FARP1: variants seen among roughly 807,000 people sequenced by gnomAD.
The protein encoded by FARP1 is FERM, ARHGEF and pleckstrin domain-containing protein 1.
Under a neutral mutation model 128.8 loss-of-function variants are expected in FARP1, and 52 were observed. The observed-to-expected ratio is 0.40, with a 90% CI of 0.32 to 0.51. The LOEUF (loss-of-function observed/expected upper bound fraction) is 0.51, where lower values mean the gene tolerates loss of function less well. FARP1 is among the 20% of genes least tolerant of loss of function. The pLI is 0.45. For synonymous variants in FARP1, 580 were observed against 551.8 expected, an observed-to-expected ratio of 1.05 and a Z score of -0.72; for missense variants, 1,333 against 1,367.9, an observed-to-expected ratio of 0.97 and a Z score of 0.40.
At chr13:98,421,867 A>AAT (rs1566308084) in intron 16 of FARP1, among the ~76,000 whole-genome samples, 1 of 148,646 alleles carries the variant, frequency 6.7e-6, no homozygotes, top group African/African-American at 2.5e-5. Context: ...AAAAAAAAAA[A>AAT]TTTTTTTTAA....
rs1280606886 is a variant in FARP1 at position 98,446,797 on chromosome 13, A to T, written c.3036A>T (p.Glu1012Asp). ...FKSHVYYFRA[E>D]SEYTFERWME... The stretch of plus-strand genomic sequence containing the variant: ...CCCACGTCTACTACTTCAGGGCGGA[A>T]AGCGAGTACACGTTCGAAAGGTAGA... Residue 1012 changes from glutamate (E) to aspartate (D), a missense_variant, in exon 26 of 27, where the codon GAA (glutamate) becomes GAT (aspartate). Physicochemically the swap from Glu to Asp is conservative, Grantham distance 45. Coordinates refer to ENST00000319562, the MANE Select transcript of FARP1 (RefSeq NM_005766.4). 6.2e-7 allele frequency: 1 copy of T among 1,614,128 alleles called. No homozygotes were observed. Among genetic ancestry groups the T allele is most frequent in the South Asian group, 1.1e-5 (1 of 91,080 alleles).
At position 98,339,935 on chromosome 13, in the gene FARP1, G is replaced by A. The variant is rs145754569; in HGVS notation, c.172-3827G>A. ...GGCTGCAGGTTCTAGGACTCAACACGCCCTCATATTGTATGCACTCCATAC... is the reference window on the plus strand; with the variant it reads ...GGCTGCAGGTTCTAGGACTCAACACACCCTCATATTGTATGCACTCCATAC... On this transcript the variant is annotated intron_variant, in intron 2 of 26. Transcript: ENST00000319562. Among the ~76,000 whole-genome samples, 80 of 152,128 alleles carry A rather than the reference G, an allele frequency of 5.3e-4. No homozygotes were observed. The East Asian group carries it at 0.011, about 21-fold the overall frequency.
intron 2 of FARP1, among the ~76,000 whole-genome samples, chr13:98,217,899 G>C (rs1056175645): frequency 6.6e-6 from 1 of 152,170 alleles, no homozygotes; most frequent in Non-Finnish European, 1.5e-5. Context: ...ACGAGAGTTG[G>C]TGCTGTCCTA....
At chr13:98,380,579 C>T (rs1009890001) in intron 6 of FARP1, among the ~76,000 whole-genome samples, 1 of 151,422 alleles carries the variant, frequency 6.6e-6, no homozygotes, top group Non-Finnish European at 1.5e-5. Context: ...TAAATATATC[C>T]CCCCCAAAAT....
In FARP1 at chr13:98,323,134, G is replaced by C. The variant is rs559920359; in HGVS notation, c.172-20628G>C. Among the ~76,000 whole-genome samples, 4 of 152,228 alleles carry C rather than the reference G, an allele frequency of 2.6e-5. 1 individual carries two copies. In the South Asian group the frequency reaches 8.3e-4, roughly 32 times the overall value. ...TTTATCTCATGTTTAATGATCCGTGGTGAAAGGATTTGTTGCTTACAATCC... is the reference window on the plus strand; with the variant it reads ...TTTATCTCATGTTTAATGATCCGTGCTGAAAGGATTTGTTGCTTACAATCC... On this transcript the variant is annotated intron_variant, in intron 2 of 26. Coordinates refer to ENST00000319562, the MANE Select transcript of FARP1 (RefSeq NM_005766.4).
At chr13:98,379,405 G>GA (rs1035824325) in intron 6 of FARP1, among the ~76,000 whole-genome samples, 2 of 151,090 alleles carry the variant, frequency 1.3e-5, no homozygotes, top group Admixed American at 6.7e-5. Context: ...TGATAGTGGA[G>GA]AGGGAGAGGA....
At chr13:98,396,736 T>G in intron 13 of FARP1, 1 of 363,606 alleles carries the variant, frequency 2.8e-6, no homozygotes, top group Admixed American at 4.6e-5. Flanking sequence ...TAATGACAAG[T>G]TCTCAGGAGC....
intron 17 of FARP1, among the ~76,000 whole-genome samples, chr13:98,430,738 A>AG (rs1466387649): frequency 6.6e-6 from 1 of 152,192 alleles, no homozygotes; most frequent in Non-Finnish European, 1.5e-5. Context: ...ATTTGTCCCC[A>AG]GTTTTTCCAG....
intron 2 of FARP1, among the ~76,000 whole-genome samples, chr13:98,272,237 C>T (rs1293143976): frequency 6.6e-6 from 1 of 152,056 alleles, no homozygotes; most frequent in Non-Finnish European, 1.5e-5. Flanking sequence ...ACCATGTTGG[C>T]CAGGCTTGCC....
chr13:98,425,771 A>G (rs774798561), intron 17 of FARP1, among the ~76,000 whole-genome samples: 2 of 152,236 alleles, frequency 1.3e-5, no homozygotes, highest in Non-Finnish European at 2.9e-5. Context: ...GTCAATAAAT[A>G]TTAAATTAAT....
intron 2 of FARP1, among the ~76,000 whole-genome samples, chr13:98,282,790 A>G (rs1275503576): frequency 3.3e-5 from 5 of 152,102 alleles, no homozygotes; most frequent in Non-Finnish European, 5.9e-5. Flanking sequence ...AGTCCCAGCT[A>G]CTCAGGAGGC....
rs140314110 is a variant in FARP1 at position 98,360,840 on chromosome 13, G to A, written c.277-4555G>A. On this transcript the variant is annotated intron_variant, in intron 3 of 26. Transcript: ENST00000319562. ...GTGTGAGTGTGTTCAAGAGATCAGC[G>A]GCATAGATTTCAGTGAGAACAGGGG... 2.5e-4 allele frequency among the ~76,000 whole-genome samples: 38 copies of A among 152,264 alleles called. No individual in the cohort carries two copies. The East Asian group carries it at 5.6e-3, about 22-fold the overall frequency.
At chr13:98,418,321 A>G (rs1891467901) in intron 16 of FARP1, among the ~76,000 whole-genome samples, 2 of 151,258 alleles carry the variant, frequency 1.3e-5, no homozygotes, top group South Asian at 4.2e-4. Context: ...GTCACCCAGG[A>G]TAGAATGCAG....
chr13:98,184,274 C>T (rs1460248850), intron 1 of FARP1, among the ~76,000 whole-genome samples: 2 of 151,940 alleles, frequency 1.3e-5, no homozygotes, highest in Admixed American at 6.6e-5. Flanking sequence ...CCTGCCACCC[C>T]ACCCGGCTAA....
At chr13:98,350,505 G>A (rs538709736) in intron 3 of FARP1, among the ~76,000 whole-genome samples, 13 of 152,104 alleles carry the variant, frequency 8.5e-5, no homozygotes, top group Middle Eastern at 6.8e-3. Context: ...CATTCACTGC[G>A]GTCCAAACTT....
chr13:98,349,928 G>A (rs1480442821), intron 3 of FARP1, among the ~76,000 whole-genome samples: 2 of 152,134 alleles, frequency 1.3e-5, no homozygotes, highest in Non-Finnish European at 2.9e-5. Context: ...CCCTGCTGGA[G>A]TCAGACACAC....
At chr13:98,308,739 G>A (rs1307956536) in intron 2 of FARP1, among the ~76,000 whole-genome samples, 16 of 152,154 alleles carry the variant, frequency 1.1e-4, no homozygotes, top group Admixed American at 9.8e-4. Context: ...CGCAGTCTTG[G>A]CTCACTGCAA....
intron 2 of FARP1, among the ~76,000 whole-genome samples, chr13:98,325,225 C>T (rs1056917976): frequency 4.0e-5 from 6 of 151,576 alleles, no homozygotes; most frequent in Non-Finnish European, 7.4e-5. Context: ...CCTATCTTTC[C>T]ATGAGTATTG....
chr13:98,430,902 A>G, intron 17 of FARP1, 141 bp from the exon 18 acceptor site: 1 of 645,156 alleles, frequency 1.6e-6, no homozygotes. Flanking sequence ...GTGAACTATG[A>G]ACAATGTGAA....
Sources: gnomAD v4.1 joint callset for allele counts (sites outside exome capture counted in the v4.1 genomes callset) on GRCh38, gnomAD v4.1.1 for gene constraint, MANE v1.5 for transcripts, NCBI Gene and HGNC (gene_info 2026-07-23, HGNC 2026-07-21) for gene names.